Variants in ADGRV1 observed in about 807,000 individuals in gnomAD.
The protein encoded by ADGRV1 is adhesion G protein-coupled receptor V1.
In ADGRV1, 359 loss-of-function variants were observed where a neutral mutation model predicts 596.2. The ratio of observed to expected loss-of-function variants is 0.60; its 90% CI spans 0.55 to 0.66. The LOEUF is 0.66. Ranked by LOEUF, ADGRV1 falls within the 30% of genes least tolerant of loss-of-function variation. The pLI, the probability that ADGRV1 is intolerant of heterozygous loss-of-function variation, is 0.00. For synonymous variants in ADGRV1, 2,681 were observed against 2,679.2 expected, an observed-to-expected ratio of 1.00 and a Z score of -0.02; for missense variants, 7,274 against 7,575.6, an observed-to-expected ratio of 0.96 and a Z score of 1.48.
At chr5:90,808,215 A>G (rs1458529370) in intron 73 of ADGRV1, among the ~76,000 whole-genome samples, 1 of 152,208 alleles carries the variant, frequency 6.6e-6, no homozygotes, top group African/African-American at 2.4e-5. Flanking sequence ...AATACAGTAT[A>G]TTTGCAGATA....
chr5:91,124,272 T>A (rs1262105997), intron 87 of ADGRV1, among the ~76,000 whole-genome samples: 4 of 152,188 alleles, frequency 2.6e-5, no homozygotes, highest in Non-Finnish European at 4.4e-5. Context: ...TTTTGGGCTA[T>A]TTTTTGTCCT....
chr5:90,905,358 A>G (rs1772215778), intron 83 of ADGRV1, among the ~76,000 whole-genome samples: 1 of 152,036 alleles, frequency 6.6e-6, no homozygotes, highest in Non-Finnish European at 1.5e-5. Context: ...TGATTCTTCC[A>G]ATCCATGAAC....
At chr5:91,119,064 CT>C (rs1314026165) in intron 87 of ADGRV1, among the ~76,000 whole-genome samples, 1 of 152,148 alleles carries the variant, frequency 6.6e-6, no homozygotes, top group East Asian at 1.9e-4. Flanking sequence ...GACTTGTTCT[CT>C]GAGAGAGCAA....
At chr5:90,566,899 TAGAG>T (rs1755708368) in intron 1 of ADGRV1, among the ~76,000 whole-genome samples, 1 of 152,292 alleles carries the variant, frequency 6.6e-6, no homozygotes, top group South Asian at 2.1e-4. Flanking sequence ...CCTGTGATCT[TAGAG>T]AGAAAACTTT....
intron 46 of ADGRV1, 44 bp downstream of exon 46, chr5:90,725,033 G>C: frequency 6.5e-7 from 1 of 1,543,388 alleles, no homozygotes; most frequent in South Asian, 1.2e-5. Context: ...AAAATGTGCA[G>C]ATAAATTTTA....
intron 87 of ADGRV1, among the ~76,000 whole-genome samples, chr5:91,127,975 T>C (rs10514344): frequency 0.022 from 3,315 of 152,108 alleles, 90 homozygotes; most frequent in African/African-American, 0.059. Flanking sequence ...ATCTAATCGC[T>C]CTGGTTAGTA....
intron 84 of ADGRV1, among the ~76,000 whole-genome samples, chr5:90,969,078 G>GA (rs34615879): frequency 0.5 from 76,110 of 151,898 alleles, 20,654 homozygotes; most frequent in African/African-American, 0.71. Context: ...TTATATTTTA[G>GA]AGTAGCTTAG....
chr5:90,627,387 AGTTCGTG>A lies in ADGRV1; in HGVS notation c.851_857del (p.Val284GlufsTer8). 6.2e-7 allele frequency: 1 copy of A among 1,613,970 alleles called. No homozygotes were observed. Among genetic ancestry groups the A allele is most frequent in the African/African-American group, 1.3e-5 (1 of 75,054 alleles). On this transcript the variant is annotated frameshift_variant, in exon 7 of 90. Coordinates refer to ENST00000405460, the MANE Select transcript of ADGRV1 (RefSeq NM_032119.4). LOFTEE classifies it high-confidence loss of function. ...AAGACCACATACTCATAATTCCAGTAGTTCGTGGAAAGGACAACAATGGAAATCTGAT... is the reference window on the plus strand; with the variant it reads ...AAGACCACATACTCATAATTCCAGTAGAAAGGACAACAATGGAAATCTGAT...
chr5:91,153,009 G>A (rs1796185364), intron 88 of ADGRV1, among the ~76,000 whole-genome samples: 1 of 152,178 alleles, frequency 6.6e-6, no homozygotes, highest in African/African-American at 2.4e-5. Flanking sequence ...GAGCCCAGGT[G>A]TTTGAGACCA....
intron 85 of ADGRV1, among the ~76,000 whole-genome samples, chr5:90,994,228 A>T (rs1781223984): frequency 6.6e-6 from 1 of 151,688 alleles, no homozygotes; most frequent in Admixed American, 6.6e-5. Flanking sequence ...ACACCCAGCT[A>T]ATTTTTATAT....
chr5:90,644,059 T>C, intron 14 of ADGRV1, 76 bp downstream of exon 14: 3 of 1,062,226 alleles, frequency 2.8e-6, no homozygotes, highest in Non-Finnish European at 3.9e-6. Context: ...ATTTCTTTAG[T>C]AACTAGTTAT....
At chr5:90,762,248 T>C (rs1348200125) in intron 58 of ADGRV1, among the ~76,000 whole-genome samples, 1 of 152,216 alleles carries the variant, frequency 6.6e-6, no homozygotes, top group African/African-American at 2.4e-5. Flanking sequence ...ATGAACAGTT[T>C]GGAGTCAAAA....
At chr5:90,664,982 A>G (rs1349240213) in intron 21 of ADGRV1, among the ~76,000 whole-genome samples, 1 of 152,010 alleles carries the variant, frequency 6.6e-6, no homozygotes, top group Non-Finnish European at 1.5e-5. Flanking sequence ...CATGGTAGAT[A>G]AGCTTTTTGA....
chr5:90,753,944 AG>A, intron 54 of ADGRV1, 115 bp downstream of exon 54: 1 of 1,034,030 alleles, frequency 9.7e-7, no homozygotes, highest in South Asian at 1.9e-5. Flanking sequence ...TCAGTTTGGC[AG>A]GTCATACTCA....
intron 83 of ADGRV1, among the ~76,000 whole-genome samples, chr5:90,877,531 A>G (rs1020282841): frequency 6.6e-6 from 1 of 151,528 alleles, no homozygotes; most frequent in African/African-American, 2.4e-5. Context: ...ACTACTGCGT[A>G]TGGAGAAATG....
At chr5:90,986,128 G>A (rs995434933) in intron 85 of ADGRV1, among the ~76,000 whole-genome samples, 1 of 145,220 alleles carries the variant, frequency 6.9e-6, no homozygotes, top group Non-Finnish European at 1.5e-5. Context: ...ATATATATAT[G>A]TGACTTAATC....
chr5:91,015,617 C>A (rs1783114701), intron 85 of ADGRV1, among the ~76,000 whole-genome samples: 1 of 151,954 alleles, frequency 6.6e-6, no homozygotes, highest in South Asian at 2.1e-4. Context: ...GTGAATTAAA[C>A]CCTTTACCAA....
rs35362542 is a variant in ADGRV1 at position 90,795,086 on chromosome 5, G to GTTT, written c.14517+3761_14517+3763dup. Among the ~76,000 whole-genome samples, 1,073 of 120,348 alleles carry GTTT rather than the reference G, an allele frequency of 8.9e-3. 21 individuals carry two copies. The highest frequency in any genetic ancestry group is 0.03 in the African/African-American group (981 of 33,242). 79.0% of individuals were successfully genotyped at this position (120,348 alleles called of 152,430 possible). On this transcript the variant is annotated intron_variant, in intron 70 of 89. Transcript: ENST00000405460. ...GGCAGACACCGATCTAGCTGCAGAA[G>GTTT]TTTTTTTTTTTTTTTTTTTTTTTCC... is the stretch of plus-strand genomic sequence containing the variant.
chr5:90,972,973 A>C (rs1779196578), intron 84 of ADGRV1, among the ~76,000 whole-genome samples: 1 of 152,198 alleles, frequency 6.6e-6, no homozygotes, highest in Non-Finnish European at 1.5e-5. Flanking sequence ...ATAAAGAAGA[A>C]AAGAGAGAAG....
Sources: allele counts gnomAD v4.1 joint callset (sites outside exome capture counted in the v4.1 genomes callset), GRCh38; gene constraint gnomAD v4.1.1; transcripts MANE v1.5; gene names NCBI Gene and HGNC (gene_info 2026-07-23, HGNC 2026-07-21).